Variants in AKAP4 observed in about 807,000 individuals in gnomAD.
AKAP4 encodes the protein A-kinase anchoring protein 4.
A neutral mutation model predicts 42.6 loss-of-function variants in AKAP4; 4 were observed. The observed-to-expected ratio is 0.09, with a 90% CI of 0.05 to 0.22. The LOEUF (loss-of-function observed/expected upper bound fraction) is 0.22. AKAP4 is among the 10% of genes least tolerant of loss of function. AKAP4 has a pLI of 1.00. For synonymous variants in AKAP4, 223 were observed against 233.0 expected (o/e 0.96, Z 0.39); for missense variants, 551 against 630.7 (o/e 0.87, Z 1.35).
At chrX:50,197,786 A>G (rs782408474) in intron 2 of AKAP4, among the ~76,000 whole-genome samples, 192 bp from the exon 3 acceptor site, 3 of 111,995 alleles carry the variant, frequency 2.7e-5, no homozygotes, top group Non-Finnish European at 5.6e-5. Context: ...TACTGTGATT[A>G]TTGTTAGGCA....
At chrX:50,198,915 GAT>G (rs1935226084) in intron 1 of AKAP4, among the ~76,000 whole-genome samples, 163 bp from the exon 2 acceptor site, 1 of 111,383 alleles carries the variant, frequency 9.0e-6, no homozygotes, top group Non-Finnish European at 1.9e-5. Context: ...GACACATTGA[GAT>G]GTTTGAACTT....
chrX:50,191,659 T>TGTGTGTGTGAGAGAAA (rs1363221828), intron 5 of AKAP4, among the ~76,000 whole-genome samples: 10 of 43,628 alleles, frequency 2.3e-4, no homozygotes, highest in Admixed American at 9.6e-4. Flanking sequence ...TGTGTGTGTG[T>TGTGTGTGTGAGAGAAA]GAGAGAGAGA....
Position 50,197,006 on chromosome X carries a change from G to C in AKAP4, c.175-14C>G, listed in dbSNP as rs1158191811. On this transcript the variant is annotated splice_polypyrimidine_tract_variant and intron_variant, in intron 3 of 5. Transcript: ENST00000358526. ...ACTAGCAGCATCCTATGGAATTAAA[G>C]GGTGAGATTCTTAAACAGTTACTTT... is the stretch of plus-strand genomic sequence containing the variant. 2 of 1,136,083 alleles carry C rather than the reference G, an allele frequency of 1.8e-6. No homozygotes were observed. Among genetic ancestry groups the C allele is most frequent in the African/African-American group, 3.6e-5 (2 of 55,831 alleles). The allele number at this position is 1,136,083 out of a possible 1,213,427, so 93.6% of individuals were successfully genotyped here. A position where few individuals can be genotyped will look rare whatever the true frequency, so the allele number is the denominator to read the frequency against.
At chrX:50,197,441 C>G in intron 3 of AKAP4, 103 bp downstream of exon 3, 1 of 746,359 alleles carries the variant, frequency 1.3e-6, no homozygotes, top group Non-Finnish European at 2.0e-6. Context: ...GTCCCCTCCT[C>G]CTTTCCCCTC....
chrX:50,190,843 A>T lies in AKAP4; in HGVS notation c.*117T>A. The T allele has an allele frequency of 1.2e-6, 1 of 850,616 alleles. No homozygotes were observed. The highest frequency in any genetic ancestry group is 1.6e-6 in the Non-Finnish European group (1 of 619,401). 70.1% of individuals were successfully genotyped at this position (850,616 alleles called of 1,213,427 possible). Reference sequence around the variant, plus strand: ...TCTTACATTCACAGGCAACTGCTCAAGTGTATTGGGAAATACAGTTGTGTA... The same window carrying T: ...TCTTACATTCACAGGCAACTGCTCATGTGTATTGGGAAATACAGTTGTGTA... On this transcript the variant is annotated 3_prime_UTR_variant, in exon 6 of 6. Transcript: ENST00000358526.
At chrX:50,194,998 A>G (rs1259679726) in intron 4 of AKAP4, among the ~76,000 whole-genome samples, 2 of 112,154 alleles carry the variant, frequency 1.8e-5, no homozygotes, top group African/African-American at 6.5e-5. Context: ...GAATATGTAA[A>G]TGAGCAAGTG....
chrX:50,192,600 T>C lies in AKAP4; in HGVS notation c.2113A>G (p.Met705Val). Residue 705 changes from methionine to valine, a missense_variant, in exon 5 of 6, where the codon ATG becomes GTG. Met to Val is a conservative substitution (Grantham distance 21). Coordinates refer to ENST00000358526, the MANE Select transcript of AKAP4 (RefSeq NM_003886.3). ...QFIDKLVESV[M>V]KLCLIMAKYS... ...TTAGCCATGATAAGGCAGAGCTTCA[T>C]CACAGATTCTACTAGTTTATCTATA... is the stretch of plus-strand genomic sequence containing the variant. 8.3e-7 allele frequency: 1 copy of C among 1,211,520 alleles called. No individual in the cohort carries two copies. The highest frequency in any genetic ancestry group is 1.1e-6 in the Non-Finnish European group (1 of 895,577).
chrX:50,191,619 GGTGTGTGTGT>G (rs34737063), intron 5 of AKAP4, among the ~76,000 whole-genome samples: 4 of 85,781 alleles, frequency 4.7e-5, no homozygotes, highest in African/African-American at 9.2e-5. Flanking sequence ...CTGTCAGATA[GGTGTGTGTGT>G]GTGTGTGTGT....
Position 50,190,885 on chromosome X carries a change from C to T in AKAP4, c.*75G>A. ...AGTTGTGTATTGTGCAGTTGACTGG[C>T]CTGATGGTGGGGGTGCTCTGGCTGG... is the stretch of plus-strand genomic sequence containing the variant. On this transcript the variant is annotated 3_prime_UTR_variant, in exon 6 of 6. Transcript: ENST00000358526. 1 of 1,151,552 alleles carries T rather than the reference C, an allele frequency of 8.7e-7. No homozygotes were observed. The highest frequency in any genetic ancestry group is 1.2e-6 in the Non-Finnish European group (1 of 851,003). The allele number at this position is 1,151,552 out of a possible 1,213,427, so 94.9% of individuals were successfully genotyped here.
In AKAP4 at chrX:50,193,062, G is replaced by A. The variant is rs1426524351; in HGVS notation, c.1651C>T (p.Leu551=). The A allele has an allele frequency of 8.3e-7, 1 of 1,211,928 alleles. No individual in the cohort carries two copies. Among genetic ancestry groups the A allele is most frequent in the Non-Finnish European group, 1.1e-6 (1 of 895,574 alleles). ...AKDLIVSALK[L]IQYHLTQQTK... ...TGCTGGGTCAGATGGTACTGGATCA[G>A]CTTAAGGGCAGAGACAATCAGGTCC... Residue 551 remains leucine, a synonymous_variant, in exon 5 of 6, where the codon CTG becomes TTG. Coordinates refer to ENST00000358526, the MANE Select transcript of AKAP4 (RefSeq NM_003886.3).
At chrX:50,197,616 A>T in intron 2 of AKAP4, 22 bp from the exon 3 acceptor site, 1 of 1,181,608 alleles carries the variant, frequency 8.5e-7, no homozygotes, top group Non-Finnish European at 1.1e-6. Flanking sequence ...TAGAAGGGTG[A>T]ATTTAGAAAA....
At chrX:50,194,542 G>A in intron 4 of AKAP4, 106 bp from the exon 5 acceptor site, 2 of 610,917 alleles carry the variant, frequency 3.3e-6, no homozygotes, top group Non-Finnish European at 4.9e-6. Context: ...TTTGGAGTTT[G>A]TATGGGAACG....
rs1557204153 is a variant in AKAP4, at chrX:50,194,379, T to A, written c.334A>T (p.Asn112Tyr). The A allele has an allele frequency of 5.0e-6, 6 of 1,209,418 alleles. No homozygotes were observed. The highest frequency in any genetic ancestry group is 6.7e-6 in the Non-Finnish European group (6 of 894,932). The change falls in exon 5 of 6, where the codon AAC (asparagine) becomes TAC (tyrosine). Residue 112 changes from asparagine to tyrosine, a missense_variant. Physicochemically the swap from Asn to Tyr is moderately radical, Grantham distance 143. Transcript: ENST00000358526. The stretch of plus-strand genomic sequence containing the variant: ...TTCTGGAGATCACTGAGAAGCCAGT[T>A]GAGGACACTTACAGGATCAGAGGGA... ...QAPSDPVSVLNWLLSDLQKYA... is the reference protein window; with the variant it reads ...QAPSDPVSVLYWLLSDLQKYA...
chrX:50,197,630 C>G (rs957410983), intron 2 of AKAP4, 36 bp from the exon 3 acceptor site: 2 of 1,144,462 alleles, frequency 1.7e-6, no homozygotes, highest in Middle Eastern at 2.4e-4. Flanking sequence ...TAGAAAAACT[C>G]TAGAGAAAGG....
intron 3 of AKAP4, among the ~76,000 whole-genome samples, 183 bp from the exon 4 acceptor site, chrX:50,197,175 A>G (rs1935201499): frequency 9.0e-6 from 1 of 110,676 alleles, no homozygotes. Context: ...TCCCTCCACA[A>G]ATTACTACTC....
In AKAP4 at chrX:50,193,495, A is replaced by G. The variant is rs548720059; in HGVS notation, c.1218T>C (p.Ala406=). Reference sequence around the variant, plus strand: ...ACTGGTTGAACAGATTTCTCTTGACAGCTGAGACAAAGTCTGAGTCAGTCA... The same window carrying G: ...ACTGGTTGAACAGATTTCTCTTGACGGCTGAGACAAAGTCTGAGTCAGTCA... ...VLMTDSDFVS[A]VKRNLFNQWK... The change falls in exon 5 of 6, where the codon GCT becomes GCC. Residue 406 remains alanine, a synonymous_variant. Transcript: ENST00000358526. 3 of 1,211,881 alleles carry G rather than the reference A, an allele frequency of 2.5e-6. No individual in the cohort carries two copies. The South Asian group carries it at 5.3e-5, about 21-fold the overall frequency.
At chrX:50,200,769 T>C (rs1557204782) in intron 1 of AKAP4, 94 bp downstream of exon 1, 2 of 842,694 alleles carry the variant, frequency 2.4e-6, no homozygotes, top group Non-Finnish European at 3.4e-6. Context: ...AGTATGAAAA[T>C]AGAAACTTGG....
At chrX:50,196,474 G>A (rs1358818679) in intron 4 of AKAP4, among the ~76,000 whole-genome samples, 3 of 111,121 alleles carry the variant, frequency 2.7e-5, no homozygotes, top group Admixed American at 9.5e-5. Flanking sequence ...CAACAGCCTA[G>A]GTAATCTCTT....
Position 50,193,357 on chromosome X carries a change from T to C in AKAP4, c.1356A>G (p.Lys452=). 1 of 1,211,737 alleles carries C rather than the reference T, an allele frequency of 8.3e-7. No individual in the cohort carries two copies. Among genetic ancestry groups the C allele is most frequent in the East Asian group, 3.0e-5 (1 of 33,835 alleles). The change falls in exon 5 of 6, where the codon AAA becomes AAG. Residue 452 remains lysine, a synonymous_variant. Coordinates refer to ENST00000358526, the MANE Select transcript of AKAP4 (RefSeq NM_003886.3). ...KSQSLSYASL[K]AGSHDPKCRN... is the part of the protein sequence containing the mutation. ...TGCATTTGGGATCATGGGACCCAGC[T>C]TTTAAAGATGCATATGACAGACTCT...
Sources: gnomAD v4.1 joint callset for allele counts (sites outside exome capture counted in the v4.1 genomes callset) on GRCh38, gnomAD v4.1.1 for gene constraint, MANE v1.5 for transcripts, NCBI Gene and HGNC (gene_info 2026-07-23, HGNC 2026-07-21) for gene names.